Variants in SH3D19 observed in about 807,000 individuals in gnomAD.
The protein encoded by SH3D19 is SH3 domain containing 19.
Under a neutral mutation model 112.1 loss-of-function variants are expected in SH3D19, and 58 were observed. The observed-to-expected ratio is 0.52, with a 90% confidence interval of 0.42 to 0.64. The LOEUF (loss-of-function observed/expected upper bound fraction) is 0.64, where lower values mean the gene tolerates loss of function less well. Among genes scored for constraint, SH3D19 ranks in the 30% least tolerant of loss-of-function variants. SH3D19 has a pLI of 0.00. For synonymous variants in SH3D19, 391 were observed against 448.5 expected (o/e 0.87, Z 1.62); for missense variants, 1,090 against 1,263.4 (o/e 0.86, Z 2.08).
At chr4:151,298,857 G>T (rs1728049366) in intron 1 of SH3D19, among the ~76,000 whole-genome samples, 1 of 152,162 alleles carries the variant, frequency 6.6e-6, no homozygotes, top group South Asian at 2.1e-4. Context: ...GGAAGAAACT[G>T]AATATCATTT....
At chr4:151,300,614 T>A (rs1474385924) in intron 1 of SH3D19, 1 of 152,046 alleles carries the variant, frequency 6.6e-6, no homozygotes, top group Non-Finnish European at 1.5e-5. Flanking sequence ...CCATTTTTTT[T>A]TTTTTAAGGT....
intron 2 of SH3D19, among the ~76,000 whole-genome samples, chr4:151,218,667 C>T (rs893931017): frequency 1.3e-5 from 2 of 152,194 alleles, no homozygotes; most frequent in African/African-American, 4.8e-5. Flanking sequence ...ACTTGAAGCT[C>T]CCTGTGGATC....
chr4:151,195,097 G>A (rs573535776), intron 2 of SH3D19, among the ~76,000 whole-genome samples: 4 of 148,064 alleles, frequency 2.7e-5, no homozygotes, highest in East Asian at 2.0e-4. Flanking sequence ...AAGGTTGGGC[G>A]CGGTGGCTCA....
chr4:151,125,743 T>C (rs1264877488), intron 19 of SH3D19, among the ~76,000 whole-genome samples: 1 of 149,476 alleles, frequency 6.7e-6, no homozygotes, highest in African/African-American at 2.5e-5. Context: ...TCCCAGCTAC[T>C]TGGGAGGCTG....
chr4:151,237,493 G>T (rs1050186550), intron 1 of SH3D19, among the ~76,000 whole-genome samples: 1 of 151,744 alleles, frequency 6.6e-6, no homozygotes, highest in Non-Finnish European at 1.5e-5. Context: ...GACAATCTAG[G>T]TAGATGTTAA....
intron 3 of SH3D19, among the ~76,000 whole-genome samples, chr4:151,181,117 A>G (rs1760869192): frequency 6.6e-6 from 1 of 151,996 alleles, no homozygotes; most frequent in Non-Finnish European, 1.5e-5. Context: ...CTCTTTGGGG[A>G]AAAAAATCTT....
intron 2 of SH3D19, among the ~76,000 whole-genome samples, chr4:151,196,905 T>C (rs10461237): frequency 3.4e-4 from 52 of 152,272 alleles, no homozygotes; most frequent in Admixed American, 1.8e-3. Context: ...CCGACATCAT[T>C]AATTATCAGA....
At chr4:151,198,624 AGTGAT>A (rs1228489435) in intron 2 of SH3D19, among the ~76,000 whole-genome samples, 1 of 151,644 alleles carries the variant, frequency 6.6e-6, no homozygotes, top group Non-Finnish European at 1.5e-5. Flanking sequence ...CCAAATATCT[AGTGAT>A]GTCTAAGCCA....
At chr4:151,182,903 G>A (rs1320173357) in intron 3 of SH3D19, among the ~76,000 whole-genome samples, 1 of 152,010 alleles carries the variant, frequency 6.6e-6, no homozygotes, top group Non-Finnish European at 1.5e-5. Context: ...CTGCTAGTCT[G>A]GTACGTTTTG....
At chr4:151,177,979 A>G (rs1760218157) in intron 4 of SH3D19, among the ~76,000 whole-genome samples, 1 of 152,212 alleles carries the variant, frequency 6.6e-6, no homozygotes, top group African/African-American at 2.4e-5. Flanking sequence ...CCCAGGCTGG[A>G]GTGCAGTGGC....
In SH3D19 at chr4:151,234,743, T is replaced by G. The variant is rs1458512820; in HGVS notation, c.113-8657A>C. 1.3e-3 allele frequency among the ~76,000 whole-genome samples: 155 copies of G among 116,448 alleles called. 5 individuals are homozygous for G. Among genetic ancestry groups the G allele is most frequent in the Non-Finnish European group, 1.7e-3 (96 of 56,006 alleles). 76.4% of individuals were successfully genotyped at this position (116,448 alleles called of 152,430 possible). A position where few individuals can be genotyped will look rare whatever the true frequency, so the allele number is the denominator to read the frequency against. On this transcript the variant is annotated intron_variant, in intron 1 of 19. Coordinates refer to ENST00000604030, the MANE Select transcript of SH3D19 (RefSeq NM_001378122.1). The stretch of plus-strand genomic sequence containing the variant: ...TTTCTTTCCAAGTTTGTGTTTTTTT[T>G]TTTTTTTTTTTTTTTTTTTTTTTAG...
intron 1 of SH3D19, among the ~76,000 whole-genome samples, chr4:151,299,113 G>A (rs1215561974): frequency 1.3e-5 from 2 of 152,162 alleles, no homozygotes; most frequent in African/African-American, 4.8e-5. Flanking sequence ...ATTAGTTTAT[G>A]ATAACAGAAA....
chr4:151,153,204 C>T (rs995801837), intron 9 of SH3D19, among the ~76,000 whole-genome samples: 12 of 151,994 alleles, frequency 7.9e-5, no homozygotes, highest in Admixed American at 7.9e-4. Flanking sequence ...TACTGAGTGG[C>T]CTCCATATGT....
rs376929730 is a variant in SH3D19 at position 151,150,256 on chromosome 4, C to CACAT, written c.1756-696_1756-695insATGT. 6.9e-3 allele frequency among the ~76,000 whole-genome samples: 768 copies of CACAT among 111,952 alleles called. 29 individuals carry two copies. Among genetic ancestry groups the CACAT allele is most frequent in the Non-Finnish European group, 8.9e-3 (518 of 58,360 alleles). The allele number at this position is 111,952 out of a possible 152,430, so 73.4% of individuals were successfully genotyped here. A position where few individuals can be genotyped will look rare whatever the true frequency, so the allele number is the denominator to read the frequency against. ...ACACACACATATATATATATACACA[C>CACAT]ATATATATACATATATATACACACA... On this transcript the variant is annotated intron_variant, in intron 9 of 19. Coordinates refer to ENST00000604030, the MANE Select transcript of SH3D19 (RefSeq NM_001378122.1).
intron 1 of SH3D19, among the ~76,000 whole-genome samples, chr4:151,268,808 T>C (rs1234061466): frequency 1.3e-5 from 2 of 148,926 alleles, no homozygotes; most frequent in Non-Finnish European, 3.0e-5. Flanking sequence ...CCATGGTGTA[T>C]ATGTGCCACA....
intron 8 of SH3D19, 107 bp from the exon 9 acceptor site, chr4:151,159,459 C>T (rs1400002001): frequency 1.2e-5 from 8 of 678,212 alleles, no homozygotes; most frequent in Non-Finnish European, 2.0e-5. Context: ...ATAAAAGATA[C>T]ACACAAATAG....
chr4:151,174,997 C>G lies in SH3D19; in HGVS notation c.1207G>C (p.Gly403Arg). 1.2e-6 allele frequency: 2 copies of G among 1,614,210 alleles called. No individual in the cohort carries two copies. Among genetic ancestry groups the G allele is most frequent in the Non-Finnish European group, 1.7e-6 (2 of 1,180,040 alleles). ...RSVNPEIPGRGPLAESSDSGK... is the reference protein window; with the variant it reads ...RSVNPEIPGRRPLAESSDSGK... ...CTATCAGAGCTCTCAGCCAGGGGCC[C>G]TCTTCCCGGAATCTCAGGATTAACA... The change falls in exon 7 of 20, where the codon GGG (glycine) becomes CGG (arginine). Residue 403 changes from glycine (G) to arginine (R), a missense_variant. By Grantham distance (125) the Gly-to-Arg change is moderately radical. Transcript: ENST00000604030.
intron 1 of SH3D19, chr4:151,228,156 A>G: frequency 7.5e-6 from 4 of 530,222 alleles, no homozygotes; most frequent in Non-Finnish European, 9.6e-6. Flanking sequence ...AAAATTCAAC[A>G]AAAGACTTGA....
chr4:151,291,428 G>A (rs139243794), intron 1 of SH3D19: 1 of 1,612,676 alleles, frequency 6.2e-7, no homozygotes, highest in Admixed American at 1.7e-5. Flanking sequence ...GAGAATGCAT[G>A]GAGATTTAGT....
Sources: gnomAD v4.1 joint callset for allele counts (sites outside exome capture counted in the v4.1 genomes callset) on GRCh38, gnomAD v4.1.1 for gene constraint, MANE v1.5 for transcripts, NCBI Gene and HGNC (gene_info 2026-07-23, HGNC 2026-07-21) for gene names.